Variants in ROBO2 observed in about 807,000 individuals in gnomAD.
ROBO2 encodes the protein roundabout guidance receptor 2.
In ROBO2, 53 loss-of-function variants were observed where a neutral mutation model predicts 160.8. The observed-to-expected ratio is 0.33, with a 90% CI of 0.26 to 0.41. The LOEUF is 0.41. Ranked by LOEUF, ROBO2 falls within the 10% of genes least tolerant of loss-of-function variation. ROBO2 has a pLI of 1.00. For missense variants in ROBO2, 1,577 were observed against 1,722.4 expected (o/e 0.92, Z 1.49); for synonymous variants, 664 against 611.7 (o/e 1.09, Z -1.26).
rs1158457510 is a variant in ROBO2, at chr3:75,937,841, T to TTATATATATATATATATATATATA, written c.109+249_109+272dup. Among the ~76,000 whole-genome samples the TTATATATATATATATATATATATA allele has an allele frequency of 5.9e-4, 62 of 105,492 alleles. 1 individual carries two copies. The highest frequency in any genetic ancestry group is 1.2e-3 in the East Asian group (4 of 3,456). 69.2% of individuals were successfully genotyped at this position (105,492 alleles called of 152,430 possible). ...TGGCTTTTATCTGTTGGAATTGATT[T>TTATATATATATATATATATATATA]TATATATATATATATATATATATAT... On this transcript the variant is annotated intron_variant, in intron 2 of 26. Transcript: ENST00000487694.
intron 2 of ROBO2, among the ~76,000 whole-genome samples, chr3:76,787,328 CCACACACACACA>C (rs60806662): frequency 1.2e-4 from 17 of 142,260 alleles, no homozygotes; most frequent in East Asian, 6.3e-4. Flanking sequence ...TGTAAACACA[CCACACACACACA>C]CACACACACA....
intron 2 of ROBO2, among the ~76,000 whole-genome samples, chr3:76,330,467 G>A (rs1017454581): frequency 2.6e-5 from 4 of 152,098 alleles, no homozygotes; most frequent in African/African-American, 7.2e-5. Flanking sequence ...ATATGAGAAT[G>A]ACATAATACT....
intron 2 of ROBO2, among the ~76,000 whole-genome samples, chr3:76,137,712 T>C (rs2071483060): frequency 6.6e-6 from 1 of 151,908 alleles, no homozygotes; most frequent in Admixed American, 6.6e-5. Context: ...TTATTATTCT[T>C]TCCTCAGTTC....
At chr3:76,461,436 T>G (rs1291045483) in intron 2 of ROBO2, among the ~76,000 whole-genome samples, 1 of 152,076 alleles carries the variant, frequency 6.6e-6, no homozygotes, top group Non-Finnish European at 1.5e-5. Context: ...AATAAGAGTA[T>G]TAGGAAAATT....
chr3:77,397,257 C>CA (rs1245917792), intron 2 of ROBO2, among the ~76,000 whole-genome samples: 3 of 151,940 alleles, frequency 2.0e-5, no homozygotes, highest in Admixed American at 6.6e-5. Flanking sequence ...TGCACCCTAC[C>CA]AAAAAAGAGA....
At chr3:77,251,970 G>C (rs60194061) in intron 2 of ROBO2, among the ~76,000 whole-genome samples, 1 of 152,114 alleles carries the variant, frequency 6.6e-6, no homozygotes, top group South Asian at 2.1e-4. Context: ...TACATGGCCA[G>C]CCTGGAAAAT....
At chr3:76,055,641 C>T (rs2067815835) in intron 2 of ROBO2, among the ~76,000 whole-genome samples, 1 of 152,154 alleles carries the variant, frequency 6.6e-6, no homozygotes, top group Non-Finnish European at 1.5e-5. Flanking sequence ...TAGCCTCCAG[C>T]TCCATCCACA....
chr3:77,547,492 G>A (rs570246373), intron 7 of ROBO2, among the ~76,000 whole-genome samples: 1 of 152,180 alleles, frequency 6.6e-6, no homozygotes, highest in African/African-American at 2.4e-5. Flanking sequence ...AATGTAAGTT[G>A]CATTAGAAGA....
intron 2 of ROBO2, among the ~76,000 whole-genome samples, chr3:76,086,738 A>G (rs1048278235): frequency 6.6e-6 from 1 of 152,184 alleles, no homozygotes; most frequent in East Asian, 1.9e-4. Context: ...TGGAATTATT[A>G]GACAAGAAAT....
intron 2 of ROBO2, among the ~76,000 whole-genome samples, chr3:75,952,026 A>T (rs1316139488): frequency 1.3e-5 from 2 of 152,040 alleles, no homozygotes; most frequent in Admixed American, 6.6e-5. Flanking sequence ...TGACCTTTTG[A>T]TAACTGCCAA....
intron 1 of ROBO2, among the ~76,000 whole-genome samples, chr3:75,934,816 C>T (rs1478451802): frequency 2.0e-5 from 3 of 151,920 alleles, no homozygotes; most frequent in Admixed American, 6.6e-5. Flanking sequence ...CAAATACTGC[C>T]TCAGTTCTAT....
chr3:77,169,897 G>T (rs1287281389), intron 2 of ROBO2, among the ~76,000 whole-genome samples: 1 of 152,094 alleles, frequency 6.6e-6, no homozygotes, highest in African/African-American at 2.4e-5. Flanking sequence ...GGTCGTCCTG[G>T]GGTCTCTGGG....
intron 2 of ROBO2, among the ~76,000 whole-genome samples, chr3:76,472,063 ATGTGTGTGTGTGTGTG>A (rs57259386): frequency 7.3e-5 from 10 of 137,830 alleles, no homozygotes; most frequent in African/African-American, 2.2e-4. Context: ...GTCTGATAAA[ATGTGTGTGTGTGTGTG>A]TGTGTGTGTG....
At chr3:76,622,794 T>G (rs1560254088) in intron 2 of ROBO2, among the ~76,000 whole-genome samples, 15 of 152,178 alleles carry the variant, frequency 9.9e-5, no homozygotes. Flanking sequence ...CTTTATTACT[T>G]GGCTTACAAT....
intron 2 of ROBO2, among the ~76,000 whole-genome samples, chr3:77,447,528 G>T (rs2080668559): frequency 1.3e-5 from 2 of 152,066 alleles, no homozygotes; most frequent in South Asian, 4.2e-4. Context: ...ATGCTAATGT[G>T]CTTGAGTAAT....
intron 2 of ROBO2, among the ~76,000 whole-genome samples, chr3:76,397,864 T>G (rs977756015): frequency 9.9e-5 from 15 of 151,486 alleles, no homozygotes; most frequent in African/African-American, 2.7e-4. Context: ...GGAACACTTT[T>G]ACACTGTTGG....
chr3:76,297,978 G>A (rs1408341871), intron 2 of ROBO2, among the ~76,000 whole-genome samples: 1 of 152,146 alleles, frequency 6.6e-6, no homozygotes, highest in African/African-American at 2.4e-5. Flanking sequence ...TGTGAAAGAT[G>A]CATCTAAAGT....
intron 2 of ROBO2, among the ~76,000 whole-genome samples, chr3:77,138,789 G>A (rs1180418590): frequency 6.6e-6 from 1 of 152,168 alleles, no homozygotes. Flanking sequence ...AAGCAAGCAA[G>A]TGGAATAAAC....
intron 2 of ROBO2, among the ~76,000 whole-genome samples, chr3:76,603,338 A>AG (rs2087329889): frequency 1.4e-4 from 9 of 63,930 alleles, no homozygotes; most frequent in African/African-American, 7.4e-4. Flanking sequence ...TCTCCAAAAA[A>AG]AAAAAAAAAA....
Sources: gnomAD v4.1 joint callset for allele counts (sites outside exome capture counted in the v4.1 genomes callset) on GRCh38, gnomAD v4.1.1 for gene constraint, MANE v1.5 for transcripts, NCBI Gene and HGNC (gene_info 2026-07-23, HGNC 2026-07-21) for gene names.